MARCHF8: variants seen among roughly 807,000 people sequenced by gnomAD.
MARCHF8 encodes membrane associated ring-CH-type finger 8, also known as E3 ubiquitin-protein ligase MARCHF8.
A neutral mutation model predicts 51.6 loss-of-function variants in MARCHF8; 40 were observed. The ratio of observed to expected loss-of-function variants is 0.77; its 90% CI spans 0.60 to 1.01. The LOEUF (loss-of-function observed/expected upper bound fraction) is 1.01. MARCHF8 is among the 50% of genes least tolerant of loss of function. The probability of loss-of-function intolerance (pLI) is 0.00; values close to 1 mark genes in which losing one functional copy is unlikely to be tolerated. For synonymous variants in MARCHF8, 263 were observed against 280.3 expected, an observed-to-expected ratio of 0.94 and a Z score of 0.62; for missense variants, 685 against 708.6, an observed-to-expected ratio of 0.97 and a Z score of 0.38.
At chr10:45,461,463 G>C in intron 5 of MARCHF8, 52 bp from the exon 6 acceptor site, 7 of 1,414,538 alleles carry the variant, frequency 4.9e-6, no homozygotes, top group Non-Finnish European at 5.6e-6. Flanking sequence ...TGACAGGGAA[G>C]CTGACACTTC....
intron 1 of MARCHF8, among the ~76,000 whole-genome samples, chr10:45,572,254 T>C (rs1355940258): frequency 1.4e-5 from 2 of 143,714 alleles, no homozygotes; most frequent in African/African-American, 5.2e-5. Context: ...TACCCTCTCT[T>C]TTCTCTCCAC....
chr10:45,494,351 G>A (rs758087817), intron 2 of MARCHF8, among the ~76,000 whole-genome samples: 5 of 152,142 alleles, frequency 3.3e-5, no homozygotes, highest in African/African-American at 4.8e-5. Flanking sequence ...GCCTAAGCGA[G>A]TTTTTGGGAT....
chr10:45,560,267 CCTT>C (rs1431988177), intron 1 of MARCHF8, among the ~76,000 whole-genome samples: 2 of 152,150 alleles, frequency 1.3e-5, no homozygotes, highest in Non-Finnish European at 1.5e-5. Flanking sequence ...ACGATGCAAA[CCTT>C]CTTGGAAGGC....
chr10:45,542,138 A>C (rs565666858), intron 1 of MARCHF8, among the ~76,000 whole-genome samples: 3 of 152,120 alleles, frequency 2.0e-5, no homozygotes, highest in South Asian at 4.1e-4. Flanking sequence ...GAGGTCAGGA[A>C]ATTGAGACCA....
In MARCHF8 at chr10:45,463,670, G is replaced by C; in HGVS notation, c.569C>G (p.Thr190Arg). 6.4e-7 allele frequency: 1 copy of C among 1,550,782 alleles called. No individual in the cohort carries two copies. The highest frequency in any genetic ancestry group is 8.7e-7 in the Non-Finnish European group (1 of 1,147,032). ...ATGAAACCTGTTAGTTCTGAGACACGTATCTTGAGGGAGTATTAATTTCCC... is the reference window on the plus strand; with the variant it reads ...ATGAAACCTGTTAGTTCTGAGACACCTATCTTGAGGGAGTATTAATTTCCC... ...SEGKLILPQD[T>R]CLRTNRFHHK... Residue 190 changes from threonine (T) to arginine (R), a missense_variant, in exon 5 of 8, where the codon ACG becomes AGG. Transcript: ENST00000453424.
intron 2 of MARCHF8, among the ~76,000 whole-genome samples, chr10:45,522,176 A>T (rs555305631): frequency 6.6e-6 from 1 of 152,358 alleles, no homozygotes; most frequent in African/African-American, 2.4e-5. Context: ...ATTTAATAAA[A>T]TAATTTTTTC....
chr10:45,521,002 A>T (rs1248986843), intron 2 of MARCHF8, among the ~76,000 whole-genome samples: 1 of 152,228 alleles, frequency 6.6e-6, no homozygotes, highest in African/African-American at 2.4e-5. Context: ...TACCCATCGT[A>T]GCAACTAAAC....
intron 2 of MARCHF8, among the ~76,000 whole-genome samples, chr10:45,517,901 C>G (rs2043646132): frequency 6.6e-6 from 1 of 152,150 alleles, no homozygotes; most frequent in African/African-American, 2.4e-5. Flanking sequence ...TGACAAATGT[C>G]AAACAAGCAT....
At chr10:45,483,867 T>C (rs1029427859) in intron 3 of MARCHF8, among the ~76,000 whole-genome samples, 2 of 152,078 alleles carry the variant, frequency 1.3e-5, no homozygotes, top group African/African-American at 4.8e-5. Flanking sequence ...AGGTAGAAAG[T>C]AGAATTATAG....
chr10:45,467,222 G>A (rs1036106464), intron 3 of MARCHF8, among the ~76,000 whole-genome samples: 1 of 152,148 alleles, frequency 6.6e-6, no homozygotes, highest in Admixed American at 6.6e-5. Context: ...TCCTCATCAA[G>A]CCTCCCAATG....
chr10:45,472,426 G>A (rs1361550822), intron 3 of MARCHF8, among the ~76,000 whole-genome samples: 2 of 152,200 alleles, frequency 1.3e-5, no homozygotes, highest in African/African-American at 2.4e-5. Context: ...CTACAACAGA[G>A]ATTCTCAAAC....
chr10:45,466,078 T>C (rs1409129896), intron 3 of MARCHF8, among the ~76,000 whole-genome samples: 2 of 152,160 alleles, frequency 1.3e-5, no homozygotes, highest in Non-Finnish European at 2.9e-5. Flanking sequence ...CCTTAGACAC[T>C]GTCCCCTCTC....
intron 1 of MARCHF8, among the ~76,000 whole-genome samples, chr10:45,573,589 C>G (rs1289994446): frequency 6.6e-6 from 1 of 152,192 alleles, no homozygotes; most frequent in Non-Finnish European, 1.5e-5. Flanking sequence ...ATCCAACTCG[C>G]CCAGCAGCCA....
intron 2 of MARCHF8, among the ~76,000 whole-genome samples, chr10:45,521,547 A>G (rs1003987873): frequency 6.6e-6 from 1 of 152,214 alleles, no homozygotes; most frequent in Non-Finnish European, 1.5e-5. Context: ...CTCCTTTTGG[A>G]AAGTCTGCCT....
At chr10:45,480,449 C>A (rs1373936000) in intron 3 of MARCHF8, among the ~76,000 whole-genome samples, 1 of 152,114 alleles carries the variant, frequency 6.6e-6, no homozygotes, top group African/African-American at 2.4e-5. Flanking sequence ...CTGGCAGCCC[C>A]TCCCATCACA....
intron 2 of MARCHF8, among the ~76,000 whole-genome samples, chr10:45,520,252 T>G (rs918709653): frequency 6.6e-6 from 1 of 152,214 alleles, no homozygotes; most frequent in Non-Finnish European, 1.5e-5. Context: ...GTGTTAGCCA[T>G]TATTCGAAAT....
At chr10:45,569,787 T>C (rs984777117) in intron 1 of MARCHF8, among the ~76,000 whole-genome samples, 8 of 152,180 alleles carry the variant, frequency 5.3e-5, no homozygotes, top group Admixed American at 2.6e-4. Flanking sequence ...AATCCTCAAA[T>C]AATGAGGATC....
intron 3 of MARCHF8, among the ~76,000 whole-genome samples, chr10:45,475,711 A>T (rs894002404): frequency 6.6e-5 from 10 of 151,838 alleles, no homozygotes; most frequent in Admixed American, 5.9e-4. Context: ...TCACCCACCC[A>T]CCCAGTTCGC....
chr10:45,536,835 AAAT>A (rs60341718), upstream of MARCHF8, among the ~76,000 whole-genome samples: 8,222 of 134,738 alleles, frequency 0.061, 264 homozygotes, highest in South Asian at 0.072. Context: ...ATCTCTACCA[AAAT>A]AATAATAATA....
Sources: allele counts gnomAD v4.1 joint callset (sites outside exome capture counted in the v4.1 genomes callset), GRCh38; gene constraint gnomAD v4.1.1; transcripts MANE v1.5; gene names NCBI Gene and HGNC (gene_info 2026-07-23, HGNC 2026-07-21).